Variants in CCDC171 observed in about 807,000 individuals in gnomAD.
CCDC171 encodes the protein coiled-coil domain-containing protein 171.
In CCDC171, 177 loss-of-function variants were observed where a neutral mutation model predicts 168.2. That is an observed-to-expected ratio of 1.05 (90% CI 0.93 to 1.19). The LOEUF (loss-of-function observed/expected upper bound fraction) is 1.19. Ranked by LOEUF, CCDC171 falls within the 50% of genes most tolerant of loss-of-function variation. CCDC171 has a pLI of 0.00. For synonymous variants in CCDC171, 687 were observed against 540.8 expected (o/e 1.27, Z -3.75); for missense variants, 1,991 against 1,539.0 (o/e 1.29, Z -4.91).
intron 10 of CCDC171, among the ~76,000 whole-genome samples, chr9:15,683,948 A>G (rs1730163373): frequency 6.6e-6 from 1 of 152,158 alleles, no homozygotes; most frequent in Admixed American, 6.5e-5. Flanking sequence ...AAGTGGGGTC[A>G]TGGAATACTG....
At chr9:15,989,523 T>G (rs1832114753) in intron 3 of CCDC171, among the ~76,000 whole-genome samples, 1 of 151,880 alleles carries the variant, frequency 6.6e-6, no homozygotes, top group African/African-American at 2.4e-5. Context: ...CGAGGGCCTC[T>G]CCCCCTCCAA....
At chr9:15,897,438 C>A (rs1309554883) in intron 24 of CCDC171, among the ~76,000 whole-genome samples, 4 of 152,066 alleles carry the variant, frequency 2.6e-5, no homozygotes, top group African/African-American at 9.6e-5. Flanking sequence ...AGTTATATGG[C>A]ATGCTTTGAT....
intron 21 of CCDC171, among the ~76,000 whole-genome samples, chr9:15,833,298 T>G (rs1426118907): frequency 6.6e-6 from 1 of 152,194 alleles, no homozygotes; most frequent in African/African-American, 2.4e-5. Context: ...GGCCTCATTA[T>G]GATCTCATGA....
At chr9:15,853,657 T>C (rs1455708145) in intron 23 of CCDC171, among the ~76,000 whole-genome samples, 2 of 151,720 alleles carry the variant, frequency 1.3e-5, no homozygotes, top group Non-Finnish European at 3.0e-5. Context: ...AGAGCAGACA[T>C]GTTTGTTTTC....
chr9:15,749,143 CAAA>C (rs144579400), intron 18 of CCDC171, among the ~76,000 whole-genome samples: 3 of 137,048 alleles, frequency 2.2e-5, no homozygotes, highest in African/African-American at 5.2e-5. Context: ...AAATGGAAAG[CAAA>C]AAAAAAAAAA....
the CCDC171 span, among the ~76,000 whole-genome samples, chr9:16,074,315 A>G: frequency 6.6e-6 from 1 of 152,182 alleles, no homozygotes; most frequent in Non-Finnish European, 1.5e-5. Context: ...CTTGAAAACC[A>G]ATTTTACTGG....
chr9:16,032,437 G>A (rs374669517), intron 6 of CCDC171, among the ~76,000 whole-genome samples: 6 of 152,108 alleles, frequency 3.9e-5, no homozygotes, highest in African/African-American at 1.4e-4. Flanking sequence ...GGCCATGCAC[G>A]AGACGCCAAG....
intron 24 of CCDC171, chr9:15,886,495 G>A (rs541374323): frequency 1.3e-5 from 2 of 152,104 alleles, no homozygotes; most frequent in African/African-American, 4.8e-5. Context: ...AGAGAAAAGC[G>A]AACCTTTGTG....
At chr9:15,741,668 A>G (rs549386253) in intron 16 of CCDC171, among the ~76,000 whole-genome samples, 44 of 152,184 alleles carry the variant, frequency 2.9e-4, no homozygotes, top group Middle Eastern at 3.4e-3. Flanking sequence ...GAATTCTGTC[A>G]TTGGATCTTT....
intron 9 of CCDC171, among the ~76,000 whole-genome samples, chr9:15,669,952 TAAA>T (rs34465887): frequency 1.1e-3 from 122 of 112,292 alleles, no homozygotes; most frequent in African/African-American, 2.2e-3. Context: ...GCTGAAGTCT[TAAA>T]AAAAAAAAAA....
intron 4 of CCDC171, among the ~76,000 whole-genome samples, chr9:15,579,895 G>C (rs1427787631): frequency 6.6e-6 from 1 of 152,022 alleles, no homozygotes; most frequent in Non-Finnish European, 1.5e-5. Context: ...TCCAATTTTT[G>C]ATTATTAACA....
intron 24 of CCDC171, among the ~76,000 whole-genome samples, chr9:15,915,338 C>T (rs1017497370): frequency 2.1e-5 from 3 of 145,982 alleles, no homozygotes; most frequent in African/African-American, 7.5e-5. Flanking sequence ...TAGATCTTTC[C>T]GTCTTTGGTT....
intron 7 of CCDC171, among the ~76,000 whole-genome samples, chr9:15,640,158 C>G (rs887374931): frequency 6.6e-6 from 1 of 152,102 alleles, no homozygotes; most frequent in African/African-American, 2.4e-5. Flanking sequence ...TTTATGCAGT[C>G]ACATTTGTTT....
At chr9:15,650,783 T>A (rs2132777722) in intron 7 of CCDC171, among the ~76,000 whole-genome samples, 1 of 152,288 alleles carries the variant, frequency 6.6e-6, no homozygotes, top group South Asian at 2.1e-4. Flanking sequence ...GTTTTTTTTA[T>A]GTGCATAGAA....
At chr9:16,102,648 G>C in the CCDC171 span, among the ~76,000 whole-genome samples, 21 of 152,208 alleles carry the variant, frequency 1.4e-4, no homozygotes, top group East Asian at 3.7e-3. Context: ...TTTTTTAAAA[G>C]GGTCAGAAGA....
chr9:15,800,223 A>G (rs10810450), intron 21 of CCDC171, among the ~76,000 whole-genome samples: 55,665 of 151,956 alleles, frequency 0.37, 12,671 homozygotes, highest in East Asian at 0.66. Context: ...ACTAATTTAC[A>G]TTCCCACCAA....
At chr9:15,896,999 C>A (rs370114447) in intron 24 of CCDC171, among the ~76,000 whole-genome samples, 103 of 152,138 alleles carry the variant, frequency 6.8e-4, no homozygotes, top group African/African-American at 2.3e-3. Flanking sequence ...AAGATGAAAG[C>A]CTTCCCCATC....
At chr9:15,661,296 A>AC (rs58898028) in intron 8 of CCDC171, among the ~76,000 whole-genome samples, 6,317 of 141,320 alleles carry the variant, frequency 0.045, 707 homozygotes, top group African/African-American at 0.16. Context: ...AAAAAAAAAA[A>AC]AAAAGTAACA....
At chr9:15,883,144 T>C (rs768856832) in intron 24 of CCDC171, 5 of 396,354 alleles carry the variant, frequency 1.3e-5, no homozygotes, top group South Asian at 9.0e-5. Context: ...TCTTCCTGCC[T>C]CAGCCTGCTG....
Sources: gnomAD v4.1 joint callset for allele counts (sites outside exome capture counted in the v4.1 genomes callset) on GRCh38, gnomAD v4.1.1 for gene constraint, MANE v1.5 for transcripts, NCBI Gene and HGNC (gene_info 2026-07-23, HGNC 2026-07-21) for gene names.